The following GRIN2B variants were observed in gnomAD, a reference collection of about 807,000 sequenced individuals.
GRIN2B encodes the protein glutamate receptor ionotropic, NMDA 2B.
Under a neutral mutation model 114.5 loss-of-function variants are expected in GRIN2B, and 5 were observed. The ratio of observed to expected loss-of-function variants is 0.04; its 90% CI spans 0.02 to 0.09. The LOEUF is 0.09. GRIN2B is among the 10% of genes least tolerant of loss of function. The pLI, the probability that GRIN2B is intolerant of heterozygous loss-of-function variation, is 1.00. For synonymous variants in GRIN2B, 787 were observed against 745.1 expected (o/e 1.06, Z -0.92); for missense variants, 1,108 against 1,943.5 (o/e 0.57, Z 8.08).
rs1348657781 is a variant in GRIN2B at position 13,555,772 on chromosome 12, A to T, written c.*7011T>A. ...AGGACATGAACATGAAAGGAAAATA[A>T]AACAAATTTATCAAGCACAGAATGT... On this transcript the variant is annotated 3_prime_UTR_variant, in exon 14 of 14. Coordinates refer to ENST00000609686, the MANE Select transcript of GRIN2B (RefSeq NM_000834.5). 22 of 152,328 alleles carry T rather than the reference A, an allele frequency of 1.4e-4. No homozygotes were observed. 9.4% of individuals were successfully genotyped at this position (152,328 alleles called of 1,614,324 possible).
rs534293109 is a variant in GRIN2B, at chr12:13,775,926, A to T, written c.412-22011T>A. ...TTCAACCCAGCAGTTCCATTACCGA[A>T]TATACACCCAAAGGAATATAAATCA... On this transcript the variant is annotated intron_variant, in intron 3 of 13. Transcript: ENST00000609686. 1.6e-3 allele frequency among the ~76,000 whole-genome samples: 241 copies of T among 152,294 alleles called. 1 individual carries two copies. Among genetic ancestry groups the T allele is most frequent in the Non-Finnish European group, 2.3e-3 (154 of 68,028 alleles).
intron 5 of GRIN2B, among the ~76,000 whole-genome samples, chr12:13,668,896 G>C (rs1451837162): frequency 3.3e-5 from 5 of 150,768 alleles, no homozygotes; most frequent in Admixed American, 1.3e-4. Context: ...GTGTGAGAAG[G>C]AAAGAAGGAA....
At position 13,554,634 on chromosome 12, in the gene GRIN2B, A is replaced by C. The variant is rs536536046; in HGVS notation, c.*8149T>G. On this transcript the variant is annotated 3_prime_UTR_variant, in exon 14 of 14. Coordinates refer to ENST00000609686, the MANE Select transcript of GRIN2B (RefSeq NM_000834.5). ...TTCTTGATCTGAAGAATGACATCTGATTTATATGTAGGAAGTGAGTACTGA... is the reference window on the plus strand; with the variant it reads ...TTCTTGATCTGAAGAATGACATCTGCTTTATATGTAGGAAGTGAGTACTGA... The C allele has an allele frequency of 2.0e-5, 3 of 152,308 alleles. No homozygotes were observed. The East Asian group carries it at 5.8e-4, about 29-fold the overall frequency. The allele number at this position is 152,308 out of a possible 1,614,324, so 9.4% of individuals were successfully genotyped here. A position where few individuals can be genotyped will look rare whatever the true frequency, so the allele number is the denominator to read the frequency against.
intron 2 of GRIN2B, among the ~76,000 whole-genome samples, chr12:13,937,929 G>T (rs374844531): frequency 6.6e-6 from 1 of 152,034 alleles, no homozygotes; most frequent in African/African-American, 2.4e-5. Context: ...GAGGTGATGG[G>T]TAGGAAGTGA....
At chr12:13,587,267 ACCAC>A (rs1194791378) in intron 10 of GRIN2B, among the ~76,000 whole-genome samples, 38 of 151,308 alleles carry the variant, frequency 2.5e-4, no homozygotes, top group African/African-American at 9.2e-4. Context: ...TTAACAATAT[ACCAC>A]TCGTAAGCAT....
chr12:13,961,279 A>G (rs1424718818), intron 2 of GRIN2B, among the ~76,000 whole-genome samples: 1 of 152,070 alleles, frequency 6.6e-6, no homozygotes, highest in African/African-American at 2.4e-5. Context: ...CCACACTGAG[A>G]GGTAAGGTCA....
At chr12:13,943,266 C>A (rs1867294990) in intron 2 of GRIN2B, among the ~76,000 whole-genome samples, 1 of 152,148 alleles carries the variant, frequency 6.6e-6, no homozygotes, top group Non-Finnish European at 1.5e-5. Flanking sequence ...AAAATTTAAG[C>A]ATTTTGCCCA....
At chr12:13,877,880 T>C (rs1285519921) in intron 2 of GRIN2B, among the ~76,000 whole-genome samples, 1 of 151,848 alleles carries the variant, frequency 6.6e-6, no homozygotes, top group Non-Finnish European at 1.5e-5. Context: ...CAGGCTAACA[T>C]GGTGAAACTG....
At chr12:13,930,325 G>A (rs1334051855) in intron 2 of GRIN2B, among the ~76,000 whole-genome samples, 4 of 152,184 alleles carry the variant, frequency 2.6e-5, no homozygotes, top group Admixed American at 6.5e-5. Flanking sequence ...TGATTTCAAT[G>A]GGGGCATTTG....
At chr12:13,945,607 G>C (rs1867350131) in intron 2 of GRIN2B, among the ~76,000 whole-genome samples, 1 of 152,130 alleles carries the variant, frequency 6.6e-6, no homozygotes, top group Non-Finnish European at 1.5e-5. Context: ...AGAGCACAGT[G>C]GGCAGCACCA....
chr12:13,908,832 TCAGTGATTG>T (rs1866585999), intron 2 of GRIN2B, among the ~76,000 whole-genome samples: 2 of 152,156 alleles, frequency 1.3e-5, no homozygotes, highest in African/African-American at 4.8e-5. Flanking sequence ...ACCAGTATAT[TCAGTGATTG>T]CATGGTATTG....
chr12:13,974,581 A>G (rs1862986158), intron 2 of GRIN2B, among the ~76,000 whole-genome samples: 1 of 152,162 alleles, frequency 6.6e-6, no homozygotes, highest in Admixed American at 6.5e-5. Flanking sequence ...GTCTTTCTGT[A>G]TCCTATAAAT....
At chr12:13,961,775 G>A (rs186393529) in intron 2 of GRIN2B, among the ~76,000 whole-genome samples, 226 of 152,188 alleles carry the variant, frequency 1.5e-3, no homozygotes, top group African/African-American at 4.0e-3. Context: ...TAGGTCCAGC[G>A]GAATGGCAGA....
chr12:13,638,998 T>C (rs539333876), intron 5 of GRIN2B, among the ~76,000 whole-genome samples: 6 of 152,284 alleles, frequency 3.9e-5, no homozygotes, highest in Admixed American at 3.3e-4. Context: ...ATTTATGGAA[T>C]GCTTCCTATC....
chr12:13,725,060 T>C (rs547844886), intron 4 of GRIN2B, among the ~76,000 whole-genome samples: 1 of 152,284 alleles, frequency 6.6e-6, no homozygotes, highest in African/African-American at 2.4e-5. Context: ...AATGCTTGTA[T>C]AGCAATTGCA....
chr12:13,607,433 ATATATATTATATAT>A, intron 10 of GRIN2B, among the ~76,000 whole-genome samples: 1 of 83,438 alleles, frequency 1.2e-5, no homozygotes, highest in East Asian at 3.1e-4. Context: ...ATTATATATA[ATATATATTATATAT>A]AATAAATATA....
chr12:13,650,626 C>T (rs1027802296), intron 5 of GRIN2B, among the ~76,000 whole-genome samples: 3 of 152,020 alleles, frequency 2.0e-5, no homozygotes, highest in Non-Finnish European at 4.4e-5. Context: ...AAAGTCCCAC[C>T]TCATTCAGTT....
intron 4 of GRIN2B, among the ~76,000 whole-genome samples, chr12:13,679,061 G>A (rs1015002726): frequency 2.6e-5 from 4 of 151,824 alleles, no homozygotes; most frequent in Non-Finnish European, 4.4e-5. Flanking sequence ...GGAAAAGGAG[G>A]AAGGAAGAGA....
intron 4 of GRIN2B, among the ~76,000 whole-genome samples, chr12:13,716,718 T>C (rs1488439167): frequency 1.3e-5 from 2 of 152,020 alleles, no homozygotes; most frequent in East Asian, 1.9e-4. Context: ...TAATGTCATA[T>C]GATGATCTTT....
Sources: gnomAD v4.1 joint callset for allele counts (sites outside exome capture counted in the v4.1 genomes callset) on GRCh38, gnomAD v4.1.1 for gene constraint, MANE v1.5 for transcripts, NCBI Gene and HGNC (gene_info 2026-07-23, HGNC 2026-07-21) for gene names.